The following SLC4A2 variants were observed in gnomAD, a reference collection of about 807,000 sequenced individuals.
SLC4A2 encodes solute carrier family 4 member 2.
A neutral mutation model predicts 115.0 loss-of-function variants in SLC4A2; 36 were observed. That is an observed-to-expected ratio of 0.31 (90% confidence interval 0.24 to 0.41). The LOEUF (loss-of-function observed/expected upper bound fraction) is 0.41, where lower values mean the gene tolerates loss of function less well. Ranked by LOEUF, SLC4A2 falls within the 10% of genes least tolerant of loss-of-function variation. SLC4A2 has a pLI of 1.00. For missense variants in SLC4A2, 1,252 were observed against 1,705.6 expected (o/e 0.73, Z 4.68); for synonymous variants, 708 against 708.3 (o/e 1.00, Z 0.01).
rs749944292 is a variant in SLC4A2, at chr7:151,071,810, G to A, written c.2313G>A (p.Leu771=). 3.1e-6 allele frequency: 5 copies of A among 1,608,728 alleles called. No homozygotes were observed. The Admixed American group carries it at 6.8e-5, about 22-fold the overall frequency. Residue 771 remains leucine, a synonymous_variant, in exon 15 of 23, where the codon CTG becomes CTA. Transcript: ENST00000413384. The surrounding 1 kb of genome is among the most constrained non-coding windows in gnomAD (Gnocchi z 5.5). The stretch of plus-strand genomic sequence containing the variant: ...TGGTGATCGGCTTCTCAGGGCCCCT[G>A]CTGGTCTTTGAGGAGGCCTTCTTCT... The part of the protein sequence containing the change: ...PLLVIGFSGP[L]LVFEEAFFSF...
chr7:151,058,218 C>T (rs2069441), upstream of SLC4A2: 7,566 of 365,556 alleles, frequency 0.021, 121 homozygotes, highest in Non-Finnish European at 0.026. Context: ...TGCTCCCAGC[C>T]CTCTTGAAAA....
intron 8 of SLC4A2, among the ~76,000 whole-genome samples, chr7:151,068,775 C>G (rs1476426561): frequency 6.6e-6 from 1 of 151,972 alleles, no homozygotes; most frequent in Non-Finnish European, 1.5e-5. Flanking sequence ...CCGCCTCAGC[C>G]TCCCAAAATG....
At chr7:151,075,037 G>A (rs1328334302) in intron 19 of SLC4A2, 196 bp downstream of exon 19, 1 of 875,394 alleles carries the variant, frequency 1.1e-6, no homozygotes, top group Non-Finnish European at 1.8e-6. Flanking sequence ...ACGTGGAGGG[G>A]CAGGCCACCC....
rs761487561 is a variant in SLC4A2 at position 151,076,198 on chromosome 7, C to T, written c.3645+12C>T. On this transcript the variant is annotated intron_variant, in intron 22 of 22. Coordinates refer to ENST00000413384, the MANE Select transcript of SLC4A2 (RefSeq NM_003040.4). ...GAGAGATGAAATGTGTAAGCCCTCCCGTCTGCCTCCCCCGGTTCCTCTTGC... is the reference window on the plus strand; with the variant it reads ...GAGAGATGAAATGTGTAAGCCCTCCTGTCTGCCTCCCCCGGTTCCTCTTGC... 7 of 1,611,994 alleles carry T rather than the reference C, an allele frequency of 4.3e-6. No homozygotes were observed. The East Asian group carries it at 6.7e-5, about 15-fold the overall frequency.
Position 151,076,167 on chromosome 7 carries a change from C to T in SLC4A2, c.3626C>T (p.Thr1209Ile). 1 of 1,611,132 alleles carries T rather than the reference C, an allele frequency of 6.2e-7. No individual in the cohort carries two copies. The highest frequency in any genetic ancestry group is 8.5e-7 in the Non-Finnish European group (1 of 1,179,920). The change falls in exon 22 of 23, where the codon ACC becomes ATC. Residue 1209 changes from threonine to isoleucine, a missense_variant. By Grantham distance (89) the Thr-to-Ile change is moderately conservative. Coordinates refer to ENST00000413384, the MANE Select transcript of SLC4A2 (RefSeq NM_003040.4). ...ATGGTGGTGCTCACCCGTATCTTCA[C>T]CGACCGAGAGATGAAATGTGTAAGC... Reference protein sequence around the residue: ...LRMVVLTRIFTDREMKCLDAN... With the variant: ...LRMVVLTRIFIDREMKCLDAN...
At chr7:151,068,850 G>A (rs1323451217) in intron 8 of SLC4A2, among the ~76,000 whole-genome samples, 5 of 151,300 alleles carry the variant, frequency 3.3e-5, no homozygotes, top group Non-Finnish European at 5.9e-5. Context: ...AAAAGTAAAC[G>A]AAGCAGCTGC....
chr7:151,072,266 C>CAACAAGCTGGGCTT (rs1325410835), intron 16 of SLC4A2, 130 bp downstream of exon 16: 1 of 686,794 alleles, frequency 1.5e-6, no homozygotes, highest in Non-Finnish European at 2.5e-6. Context: ...GTTGCCAACA[C>CAACAAGCTGGGCTT]GTATACCAGG....
At chr7:151,066,324 T>C (rs1264620280) in intron 5 of SLC4A2, among the ~76,000 whole-genome samples, 193 bp from the exon 6 acceptor site, 1 of 151,836 alleles carries the variant, frequency 6.6e-6, no homozygotes, top group African/African-American at 2.4e-5. Flanking sequence ...CAGAAAAGGG[T>C]GGAGCTGGGG....
chr7:151,064,794 A>G (rs1287825175), intron 4 of SLC4A2, 27 bp downstream of exon 4: 3 of 1,607,834 alleles, frequency 1.9e-6, no homozygotes, highest in African/African-American at 2.7e-5. Context: ...CTCCTAGGGC[A>G]TGTCGGCAGG....
At chr7:151,072,796 T>A (rs1422776000) in intron 16 of SLC4A2, among the ~76,000 whole-genome samples, 1 of 151,920 alleles carries the variant, frequency 6.6e-6, no homozygotes, top group African/African-American at 2.4e-5. Flanking sequence ...GTAGCTGGGA[T>A]TACAGGCACA....
intron 7 of SLC4A2, 151 bp downstream of exon 7, chr7:151,067,144 A>T: frequency 1.2e-6 from 1 of 838,124 alleles, no homozygotes; most frequent in Non-Finnish European, 1.8e-6. Context: ...GATGGAGTGC[A>T]GTGGTGTGAT....
intron 1 of SLC4A2, chr7:151,061,684 C>G: frequency 2.4e-6 from 1 of 408,668 alleles, no homozygotes; most frequent in Non-Finnish European, 4.4e-6. Context: ...CCCACCTCCT[C>G]TCTCCTCCTC....
chr7:151,070,062 G>A lies in SLC4A2; in HGVS notation c.1263G>A (p.Arg421=). The A allele has an allele frequency of 6.2e-7, 1 of 1,614,100 alleles. No homozygotes were observed. Among genetic ancestry groups the A allele is most frequent in the Non-Finnish European group, 8.5e-7 (1 of 1,179,956 alleles). Residue 421 remains arginine, a synonymous_variant, in exon 9 of 23, where the codon CGG becomes CGA. Coordinates refer to ENST00000413384, the MANE Select transcript of SLC4A2 (RefSeq NM_003040.4). ...IKAEDRANVL[R]ALLLKHSHPS... is the part of the protein sequence containing the mutation. ...CCGAGGACAGGGCCAACGTGCTGCG[G>A]GCTCTGCTGTTGAAACACAGGTGAG...
At position 151,070,850 on chromosome 7, in the gene SLC4A2, G is replaced by A. The variant is rs746797361; in HGVS notation, c.1688G>A (p.Ser563Asn). 6 of 1,613,692 alleles carry A rather than the reference G, an allele frequency of 3.7e-6. No individual in the cohort carries two copies. The highest frequency in any genetic ancestry group is 4.2e-6 in the Non-Finnish European group (5 of 1,180,028). Reference sequence around the variant, plus strand: ...TTCCTCTTCCTGCTGCTGGGCCCGAGTAGTGCCAACATGGACTACCACGAG... The same window carrying A: ...TTCCTCTTCCTGCTGCTGGGCCCGAATAGTGCCAACATGGACTACCACGAG... The part of the protein sequence containing the change: ...VRFLFLLLGP[S>N]SANMDYHEIG... Residue 563 changes from serine (S) to asparagine (N), a missense_variant, in exon 12 of 23, where the codon AGT (serine) becomes AAT (asparagine). Around this residue, in one of 14 missense-constraint regions of SLC4A2, gnomAD observed 87 missense variants for 170.3 expected, o/e 0.51. Coordinates refer to ENST00000413384, the MANE Select transcript of SLC4A2 (RefSeq NM_003040.4).
At chr7:151,061,732 G>C in intron 1 of SLC4A2, 193 bp from the exon 2 acceptor site, 1 of 472,818 alleles carries the variant, frequency 2.1e-6, no homozygotes, top group South Asian at 4.0e-5. Context: ...GGCCCCCCTC[G>C]CCTCAGTCCT....
chr7:151,065,577 C>T (rs1797200267), intron 5 of SLC4A2, among the ~76,000 whole-genome samples: 2 of 152,236 alleles, frequency 1.3e-5, no homozygotes, highest in Admixed American at 1.3e-4. Flanking sequence ...CTCAAGGTCA[C>T]TACTATCACG....
intron 10 of SLC4A2, 34 bp from the exon 11 acceptor site, chr7:151,070,423 C>T (rs1797392700): frequency 1.9e-6 from 3 of 1,610,960 alleles, no homozygotes; most frequent in South Asian, 1.1e-5. Context: ...GTGGGAGGGG[C>T]CTGGCTGGGC....
At chr7:151,063,498 C>T (rs1173004919) in intron 2 of SLC4A2, among the ~76,000 whole-genome samples, 1 of 152,084 alleles carries the variant, frequency 6.6e-6, no homozygotes, top group Non-Finnish European at 1.5e-5. Context: ...GGATTTCTTC[C>T]ACCTGCCCTG....
chr7:151,072,158 G>T lies in SLC4A2; in HGVS notation c.2535+22G>T, dbSNP rs751399594. The T allele has an allele frequency of 1.9e-6, 3 of 1,605,066 alleles. No homozygotes were observed. The East Asian group carries it at 6.7e-5, about 36-fold the overall frequency. ...GAAGGTGGGCAGGCCCCTGCCGAGA[G>T]CTGGGCCAGGAGGGCCGAGGTCTCA... On this transcript the variant is annotated intron_variant, in intron 16 of 22. Coordinates refer to ENST00000413384, the MANE Select transcript of SLC4A2 (RefSeq NM_003040.4).
Sources: gnomAD v4.1 joint callset for allele counts (sites outside exome capture counted in the v4.1 genomes callset) on GRCh38, gnomAD v4.1.1 for gene constraint, gnomAD v4.1.1 regional missense constraint, Gnocchi (gnomAD v3.1) non-coding constraint, MANE v1.5 for transcripts, NCBI Gene and HGNC (gene_info 2026-07-23, HGNC 2026-07-21) for gene names.